The following ALG13 variants were observed in gnomAD, a reference collection of about 807,000 sequenced individuals.
ALG13 encodes the protein ALG13 UDP-N-acetylglucosaminyltransferase subunit, also known as UDP-N-acetylglucosamine transferase subunit ALG13.
ALG13 carries 11 observed loss-of-function variants against 87.8 expected under a neutral mutation model. That is an observed-to-expected ratio of 0.13 (90% confidence interval 0.08 to 0.21). The LOEUF is 0.21. Ranked by LOEUF, ALG13 falls within the 10% of genes least tolerant of loss-of-function variation. The pLI, the probability that ALG13 is intolerant of heterozygous loss-of-function variation, is 1.00. For missense variants in ALG13, 756 were observed against 866.1 expected, an observed-to-expected ratio of 0.87 and a Z score of 1.60; for synonymous variants, 320 against 306.3, an observed-to-expected ratio of 1.04 and a Z score of -0.47.
intron 25 of ALG13, among the ~76,000 whole-genome samples, chrX:111,756,342 A>G (rs1569523813): frequency 9.0e-6 from 1 of 111,625 alleles, no homozygotes; most frequent in South Asian, 3.8e-4. Flanking sequence ...GAAAACCACC[A>G]TGGCACATGT....
At chrX:111,687,559 T>A (rs1267920119) in intron 3 of ALG13, among the ~76,000 whole-genome samples, 1 of 112,315 alleles carries the variant, frequency 8.9e-6, no homozygotes, top group East Asian at 2.8e-4. Flanking sequence ...TTTTCATGAA[T>A]GAATTGTGCT....
intron 5 of ALG13, 130 bp from the exon 6 acceptor site, chrX:111,711,545 T>C: frequency 2.0e-6 from 1 of 502,490 alleles, no homozygotes; most frequent in Non-Finnish European, 3.2e-6. Flanking sequence ...CTTGAGGTGC[T>C]GTGCAAAGTA....
At chrX:111,701,357 T>C (rs1191052114) in intron 3 of ALG13, among the ~76,000 whole-genome samples, 1 of 111,912 alleles carries the variant, frequency 8.9e-6, no homozygotes, top group Non-Finnish European at 1.9e-5. Flanking sequence ...TGGGAGACTT[T>C]TATTATTGAT....
At chrX:111,698,291 G>C (rs780796924) in intron 3 of ALG13, among the ~76,000 whole-genome samples, 2 of 111,885 alleles carry the variant, frequency 1.8e-5, no homozygotes, top group Non-Finnish European at 3.8e-5. Context: ...ACAATGTAAT[G>C]TTTTGCTATT....
chrX:111,732,046 T>C (rs1198176668), intron 21 of ALG13, among the ~76,000 whole-genome samples: 1 of 111,732 alleles, frequency 8.9e-6, no homozygotes. Context: ...ATATTACCTT[T>C]TATAGTTTAG....
chrX:111,726,826 A>G lies in ALG13; in HGVS notation c.1747A>G (p.Ile583Val), dbSNP rs377397506. The G allele has an allele frequency of 1.2e-5, 14 of 1,209,295 alleles. No homozygotes were observed. In the African/African-American group the frequency reaches 2.5e-4, roughly 21 times the overall value. ...VPEIVISEMD[I>V]KQQKKMFKKI... ...CCTGAAAGTTATATCAGAGATGGAC[A>G]TAAAGCAACAGAAGAAGATGTTCAA... The change falls in exon 16 of 27, where the codon ATA becomes GTA. Residue 583 changes from isoleucine (I) to valine (V), a missense_variant. Ile to Val is a conservative substitution (Grantham distance 29). Around this residue, in one of 9 missense-constraint regions of ALG13, gnomAD observed 362 missense variants for 383.5 expected, o/e 0.94. Transcript: ENST00000394780.
intron 21 of ALG13, among the ~76,000 whole-genome samples, chrX:111,733,324 G>T (rs971331299): frequency 9.0e-6 from 1 of 110,590 alleles, no homozygotes; most frequent in Non-Finnish European, 1.9e-5. Context: ...AAAGTCCATT[G>T]TATCATTCTT....
chrX:111,713,636 A>G (rs1485341887), intron 8 of ALG13, among the ~76,000 whole-genome samples: 2 of 112,245 alleles, frequency 1.8e-5, no homozygotes, highest in Non-Finnish European at 3.8e-5. Context: ...TTATTATGCC[A>G]TGCTTCCAGG....
chrX:111,758,074 A>G (rs185276225), intron 26 of ALG13, among the ~76,000 whole-genome samples: 1 of 111,870 alleles, frequency 8.9e-6, no homozygotes, highest in East Asian at 2.8e-4. Flanking sequence ...TCTGCTAGTA[A>G]TCAGTGTTTT....
chrX:111,744,254 C>T (rs2148399929), intron 23 of ALG13, among the ~76,000 whole-genome samples: 1 of 111,604 alleles, frequency 9.0e-6, no homozygotes, highest in South Asian at 3.7e-4. Context: ...CACTTTAATC[C>T]ATCTCTTATT....
chrX:111,696,553 C>T (rs1366808740), intron 3 of ALG13, among the ~76,000 whole-genome samples: 3 of 111,607 alleles, frequency 2.7e-5, no homozygotes, highest in African/African-American at 6.5e-5. Flanking sequence ...AAAATAATTC[C>T]GGACATACCT....
chrX:111,712,657 A>G lies in ALG13; in HGVS notation c.932+127A>G, dbSNP rs760746889. 1.7e-5 allele frequency: 6 copies of G among 362,561 alleles called. No homozygotes were observed. In the Admixed American group the frequency reaches 2.8e-4, roughly 17 times the overall value. 29.9% of individuals were successfully genotyped at this position (362,561 alleles called of 1,213,427 possible). A position where few individuals can be genotyped will look rare whatever the true frequency, so the allele number is the denominator to read the frequency against. Reference sequence around the variant, plus strand: ...ATTGATACCTAGAATGAAGAAAGCTAAGAAAAAGTGTTAAAATATTTTAAA... The same window carrying G: ...ATTGATACCTAGAATGAAGAAAGCTGAGAAAAAGTGTTAAAATATTTTAAA... On this transcript the variant is annotated intron_variant, in intron 7 of 26. Coordinates refer to ENST00000394780, the MANE Select transcript of ALG13 (RefSeq NM_001099922.3).
Position 111,724,973 on chromosome X carries a change from A to G in ALG13, c.1641A>G (p.Gln547=), listed in dbSNP as rs768589790. 4.7e-5 allele frequency: 57 copies of G among 1,209,174 alleles called. No individual in the cohort carries two copies. In the South Asian group the frequency reaches 9.3e-4, roughly 20 times the overall value. Residue 547 remains glutamine, a synonymous_variant, in exon 15 of 27, where the codon CAA becomes CAG. Coordinates refer to ENST00000394780, the MANE Select transcript of ALG13 (RefSeq NM_001099922.3). ...VPLANLKPVT[Q]VMSVPAWNAM... ...TGGCTAACTTAAAACCAGTTACCCAAGTGATGTCTGTTCCTGCCTGGAATG... is the reference window on the plus strand; with the variant it reads ...TGGCTAACTTAAAACCAGTTACCCAGGTGATGTCTGTTCCTGCCTGGAATG...
Position 111,730,382 on chromosome X carries a change from C to G in ALG13, c.2369-13C>G. The G allele has an allele frequency of 8.3e-7, 1 of 1,208,167 alleles. No homozygotes were observed. The highest frequency in any genetic ancestry group is 1.1e-6 in the Non-Finnish European group (1 of 892,711). On this transcript the variant is annotated splice_polypyrimidine_tract_variant and intron_variant, in intron 19 of 26. Coordinates refer to ENST00000394780, the MANE Select transcript of ALG13 (RefSeq NM_001099922.3). ...TATAAACACATTTCTTCTGTCTTGT[C>G]TTTTTTCCCCAGGGCGATATCATGA...
intron 3 of ALG13, chrX:111,690,401 A>G (rs1300578742): frequency 1.3e-6 from 1 of 750,692 alleles, no homozygotes; most frequent in Non-Finnish European, 1.6e-6. Flanking sequence ...GGAGTAGATG[A>G]AAAGAGATGT....
chrX:111,698,308 C>T (rs959179734), intron 3 of ALG13, among the ~76,000 whole-genome samples: 5 of 111,730 alleles, frequency 4.5e-5, no homozygotes, highest in African/African-American at 9.7e-5. Flanking sequence ...TATTTGTGTA[C>T]AATGTGGAAT....
chrX:111,734,661 G>A (rs892531423), intron 21 of ALG13, among the ~76,000 whole-genome samples: 1 of 111,764 alleles, frequency 8.9e-6, no homozygotes, highest in African/African-American at 3.3e-5. Context: ...TAGATAAAAC[G>A]CAACTGAATA....
At chrX:111,718,907 T>A (rs1452705400) in intron 10 of ALG13, among the ~76,000 whole-genome samples, 1 of 112,317 alleles carries the variant, frequency 8.9e-6, no homozygotes, top group African/African-American at 3.2e-5. Flanking sequence ...CTTATATTTC[T>A]TCCTAATTCC....
At chrX:111,686,142 C>T (rs943627245) in intron 3 of ALG13, 85 of 1,118,476 alleles carry the variant, frequency 7.6e-5, no homozygotes, top group Non-Finnish European at 9.6e-5. Context: ...ATTAGTTCTT[C>T]CTTGAGACAC....
Sources: allele counts gnomAD v4.1 joint callset (sites outside exome capture counted in the v4.1 genomes callset), GRCh38; gene constraint gnomAD v4.1.1; regional missense constraint gnomAD v4.1.1; transcripts MANE v1.5; gene names NCBI Gene and HGNC (gene_info 2026-07-23, HGNC 2026-07-21).